INVS: variants seen among roughly 807,000 people sequenced by gnomAD.
INVS encodes the protein inversin, also known as inversion of embryo turning homolog.
A neutral mutation model predicts 108.8 loss-of-function variants in INVS; 86 were observed. The ratio of observed to expected loss-of-function variants is 0.79; its 90% CI spans 0.66 to 0.95. The LOEUF (loss-of-function observed/expected upper bound fraction) is 0.95. INVS is among the 40% of genes least tolerant of loss of function. The probability of loss-of-function intolerance (pLI) is 0.00; values close to 1 mark genes in which losing one functional copy is unlikely to be tolerated. For missense variants in INVS, 1,169 were observed against 1,297.4 expected (o/e 0.90, Z 1.52); for synonymous variants, 455 against 473.5 (o/e 0.96, Z 0.51).
Position 100,301,397 on chromosome 9 carries a change from C to T in INVS, c.*723C>T, listed in dbSNP as rs755335773. Reference sequence around the variant, plus strand: ...GTGCTGAATACCAACAGCCGTATTACAGTATCAAGGATTCTGTCAGGTAGG... The same window carrying T: ...GTGCTGAATACCAACAGCCGTATTATAGTATCAAGGATTCTGTCAGGTAGG... On this transcript the variant is annotated 3_prime_UTR_variant, in exon 17 of 17. Transcript: ENST00000262457. Among the ~76,000 whole-genome samples the T allele has an allele frequency of 1.3e-5, 2 of 152,192 alleles. No individual in the cohort carries two copies. Among genetic ancestry groups the T allele is most frequent in the Non-Finnish European group, 2.9e-5 (2 of 68,046 alleles).
intron 2 of INVS, among the ~76,000 whole-genome samples, chr9:100,119,224 C>G (rs865776185): frequency 1.1e-3 from 165 of 152,282 alleles, no homozygotes; most frequent in African/African-American, 3.7e-3. Flanking sequence ...CTTTTCATAA[C>G]AATTTTAAAA....
intron 2 of INVS, chr9:100,117,217 C>A (rs1827560704): frequency 1.1e-6 from 1 of 939,474 alleles, no homozygotes; most frequent in Non-Finnish European, 1.7e-6. Context: ...ACTTAACACC[C>A]AGACCGACGT....
chr9:100,149,298 T>A (rs1828735029), intron 3 of INVS, among the ~76,000 whole-genome samples: 1 of 152,030 alleles, frequency 6.6e-6, no homozygotes, highest in Non-Finnish European at 1.5e-5. Flanking sequence ...CCAAAAGACA[T>A]TTGTGATGCC....
At chr9:100,258,102 C>T (rs1372490158) in intron 10 of INVS, among the ~76,000 whole-genome samples, 1 of 152,144 alleles carries the variant, frequency 6.6e-6, no homozygotes, top group Non-Finnish European at 1.5e-5. Flanking sequence ...AGGCTTTGTT[C>T]ATTTCTTTTT....
chr9:100,114,391 C>A, intron 2 of INVS, among the ~76,000 whole-genome samples: 1 of 64,866 alleles, frequency 1.5e-5, no homozygotes. Context: ...AGATTTCTTT[C>A]TTTTTTTTTT....
chr9:100,106,400 T>A lies in INVS; in HGVS notation c.106+1773T>A, dbSNP rs555870983. On this transcript the variant is annotated intron_variant, in intron 2 of 16. Coordinates refer to ENST00000262457, the MANE Select transcript of INVS (RefSeq NM_014425.5). ...TCTTTCCATCAACACTTAAACATGC[T>A]TCATTGTTTCCATTATTTAAAAATC... Among the ~76,000 whole-genome samples, 21 of 152,328 alleles carry A rather than the reference T, an allele frequency of 1.4e-4. No homozygotes were observed. The South Asian group carries it at 4.3e-3, about 32-fold the overall frequency.
intron 5 of INVS, among the ~76,000 whole-genome samples, chr9:100,231,267 T>G (rs1289033314): frequency 6.6e-6 from 1 of 152,206 alleles, no homozygotes; most frequent in East Asian, 1.9e-4. Context: ...AAAGTATTAT[T>G]TTGTATATGC....
rs1304720430 is a variant in INVS at position 100,205,482 on chromosome 9, G to A, written c.274-20580G>A. ...TTTGTCATTCTCTCTCCATCTGTCT[G>A]TAAACAGTCAGTTAAATTGGTTATT... On this transcript the variant is annotated intron_variant, in intron 3 of 16. Coordinates refer to ENST00000262457, the MANE Select transcript of INVS (RefSeq NM_014425.5). Among the ~76,000 whole-genome samples, 8 of 151,782 alleles carry A rather than the reference G, an allele frequency of 5.3e-5. 1 individual carries two copies. The South Asian group carries it at 1.7e-3, about 31-fold the overall frequency.
intron 2 of INVS, among the ~76,000 whole-genome samples, chr9:100,107,785 C>G (rs1041494139): frequency 6.6e-6 from 1 of 152,206 alleles, no homozygotes; most frequent in African/African-American, 2.4e-5. Flanking sequence ...TTTAACATCT[C>G]TCTCCTCCAT....
In INVS at chr9:100,226,810, CAAAAAAA is replaced by C. The variant is rs59853701; in HGVS notation, c.447+594_447+600del. ...CCTGGGTGACAGAGTGAGACTGTCT[CAAAAAAA>C]AAAAAAAAAAAAAAAAAATCAGTCC... is the stretch of plus-strand genomic sequence containing the variant. On this transcript the variant is annotated intron_variant, in intron 4 of 16. Transcript: ENST00000262457. Among the ~76,000 whole-genome samples the C allele has an allele frequency of 4.2e-4, 33 of 78,806 alleles. No homozygotes were observed. The East Asian group carries it at 0.013, about 30-fold the overall frequency. The allele number at this position is 78,806 out of a possible 152,430, so 51.7% of individuals were successfully genotyped here.
intron 3 of INVS, among the ~76,000 whole-genome samples, chr9:100,179,467 A>C (rs975240933): frequency 2.6e-4 from 37 of 144,590 alleles, no homozygotes; most frequent in African/African-American, 8.3e-4. Flanking sequence ...AATGGAAAGC[A>C]AAAAAAAAAA....
chr9:100,214,001 G>A (rs1830913248), intron 3 of INVS, among the ~76,000 whole-genome samples: 1 of 152,148 alleles, frequency 6.6e-6, no homozygotes, highest in Non-Finnish European at 1.5e-5. Flanking sequence ...GCCCAGCATT[G>A]TCTTGACATG....
chr9:100,118,155 A>G (rs1359284754), intron 2 of INVS, among the ~76,000 whole-genome samples: 3 of 149,948 alleles, frequency 2.0e-5, no homozygotes, highest in Non-Finnish European at 3.0e-5. Flanking sequence ...TCCTGCCTCA[A>G]CCTCCCAAAG....
At chr9:100,210,834 C>G (rs897605935) in intron 3 of INVS, among the ~76,000 whole-genome samples, 21 of 151,070 alleles carry the variant, frequency 1.4e-4, no homozygotes, top group African/African-American at 4.4e-4. Context: ...AATCACCTAC[C>G]GAAAATTTAA....
At chr9:100,146,288 GGTT>G (rs774322747) in intron 3 of INVS, among the ~76,000 whole-genome samples, 32 of 141,518 alleles carry the variant, frequency 2.3e-4, no homozygotes, top group Non-Finnish European at 2.4e-4. Flanking sequence ...GTCAAAGGGG[GGTT>G]GTTCTCTGGC....
At chr9:100,100,863 T>TATATATTATATGTATATATA (rs1826902960) in intron 1 of INVS, among the ~76,000 whole-genome samples, 2 of 5,472 alleles carry the variant, frequency 3.7e-4, no homozygotes, top group African/African-American at 3.1e-3. Flanking sequence ...GTATATATAA[T>TATATATTATATGTATATATA]ATATATATTA....
chr9:100,114,238 C>CTG (rs1234109790), intron 2 of INVS, among the ~76,000 whole-genome samples: 4 of 152,078 alleles, frequency 2.6e-5, no homozygotes, highest in Non-Finnish European at 5.9e-5. Context: ...AATGTTAGAA[C>CTG]TGTGTCCTTT....
chr9:100,185,141 T>A (rs1477485861), intron 3 of INVS, among the ~76,000 whole-genome samples: 2 of 152,124 alleles, frequency 1.3e-5, no homozygotes. Context: ...ATAGATTTAC[T>A]TTTTAAAATG....
intron 6 of INVS, among the ~76,000 whole-genome samples, chr9:100,240,510 CTT>C (rs1404366845): frequency 6.6e-6 from 1 of 152,118 alleles, no homozygotes; most frequent in Non-Finnish European, 1.5e-5. Context: ...ACATAAACCT[CTT>C]TTCACATTCA....
Sources: allele counts gnomAD v4.1 joint callset (sites outside exome capture counted in the v4.1 genomes callset), GRCh38; gene constraint gnomAD v4.1.1; transcripts MANE v1.5; gene names NCBI Gene and HGNC (gene_info 2026-07-23, HGNC 2026-07-21).